PRKG1: variants seen among roughly 807,000 people sequenced by gnomAD.
PRKG1 encodes cGMP-dependent protein kinase 1.
A neutral mutation model predicts 88.1 loss-of-function variants in PRKG1; 35 were observed. The ratio of observed to expected loss-of-function variants is 0.40; its 90% CI spans 0.30 to 0.53. The LOEUF (loss-of-function observed/expected upper bound fraction) is 0.53. Ranked by LOEUF, PRKG1 falls within the 20% of genes least tolerant of loss-of-function variation. The probability of loss-of-function intolerance (pLI) is 0.59; values close to 1 mark genes in which losing one functional copy is unlikely to be tolerated. For synonymous variants in PRKG1, 303 were observed against 292.5 expected (o/e 1.04, Z -0.37); for missense variants, 540 against 839.8 (o/e 0.64, Z 4.41).
intron 9 of PRKG1, among the ~76,000 whole-genome samples, chr10:52,245,779 T>TAA (rs1369731708): frequency 1.6e-4 from 24 of 150,352 alleles, no homozygotes; most frequent in African/African-American, 5.8e-4. Flanking sequence ...ATTTATTTAT[T>TAA]TATTTATTTA....
chr10:51,412,276 A>G (rs1010070715), intron 2 of PRKG1, among the ~76,000 whole-genome samples: 6 of 151,994 alleles, frequency 3.9e-5, no homozygotes, highest in Non-Finnish European at 8.8e-5. Context: ...GGCCTCAGGA[A>G]AAAAGGAAGG....
At chr10:51,589,985 T>C (rs1056958838) in intron 3 of PRKG1, among the ~76,000 whole-genome samples, 6 of 152,110 alleles carry the variant, frequency 3.9e-5, no homozygotes, top group Admixed American at 1.3e-4. Context: ...AGAAGATCAA[T>C]AGAAGATTTA....
intron 3 of PRKG1, among the ~76,000 whole-genome samples, chr10:51,549,334 C>G (rs186345408): frequency 2.0e-5 from 3 of 151,192 alleles, no homozygotes; most frequent in African/African-American, 7.3e-5. Flanking sequence ...CCATGTTAGC[C>G]GGGATGGTCT....
intron 3 of PRKG1, among the ~76,000 whole-genome samples, chr10:51,629,501 C>T (rs996902358): frequency 2.0e-5 from 3 of 151,582 alleles, no homozygotes; most frequent in African/African-American, 7.3e-5. Context: ...TTGCTTATGT[C>T]CAGTCTACAC....
chr10:51,158,555 A>G (rs745609318), intron 2 of PRKG1, among the ~76,000 whole-genome samples: 1 of 152,026 alleles, frequency 6.6e-6, no homozygotes, highest in Non-Finnish European at 1.5e-5. Flanking sequence ...GATATTTCCT[A>G]TAAGTACTTC....
intron 7 of PRKG1, among the ~76,000 whole-genome samples, chr10:52,097,084 GA>G (rs1847189751): frequency 6.6e-6 from 1 of 152,054 alleles, no homozygotes; most frequent in South Asian, 2.1e-4. Flanking sequence ...TTAAAAATCA[GA>G]CAGATTCAAT....
intron 16 of PRKG1, among the ~76,000 whole-genome samples, chr10:52,289,911 G>A (rs755304347): frequency 2.0e-5 from 3 of 152,068 alleles, no homozygotes; most frequent in Non-Finnish European, 2.9e-5. Flanking sequence ...AAGGCACAGG[G>A]CCAGACACAT....
At chr10:52,176,352 C>G (rs986551489) in intron 9 of PRKG1, among the ~76,000 whole-genome samples, 1 of 151,634 alleles carries the variant, frequency 6.6e-6, no homozygotes, top group Non-Finnish European at 1.5e-5. Flanking sequence ...TTTGAGTTCT[C>G]TAGTCTGGTC....
chr10:52,218,967 T>C (rs1474306569), intron 9 of PRKG1, among the ~76,000 whole-genome samples: 1 of 152,118 alleles, frequency 6.6e-6, no homozygotes, highest in Admixed American at 6.6e-5. Flanking sequence ...AATTCAACAG[T>C]AGTTAGATAA....
At chr10:52,106,878 C>T (rs1391794781) in intron 7 of PRKG1, among the ~76,000 whole-genome samples, 1 of 151,916 alleles carries the variant, frequency 6.6e-6, no homozygotes, top group African/African-American at 2.4e-5. Flanking sequence ...TCATGTGATT[C>T]TAGTTTCTAT....
chr10:51,305,823 C>A (rs1841021375), intron 2 of PRKG1, among the ~76,000 whole-genome samples: 1 of 152,272 alleles, frequency 6.6e-6, no homozygotes, highest in East Asian at 1.9e-4. Flanking sequence ...ACTTGCTAAG[C>A]ACATATCTTG....
chr10:51,622,479 G>T (rs76403323), intron 3 of PRKG1, among the ~76,000 whole-genome samples: 5,974 of 152,252 alleles, frequency 0.039, 168 homozygotes, highest in Middle Eastern at 0.088. Flanking sequence ...AGCTATTTGC[G>T]CATGACCAGT....
chr10:51,702,884 G>A (rs767208675), intron 3 of PRKG1, among the ~76,000 whole-genome samples: 1 of 151,934 alleles, frequency 6.6e-6, no homozygotes, highest in African/African-American at 2.4e-5. Flanking sequence ...TTGTAGAGAC[G>A]GGGTTTCACC....
chr10:51,846,056 T>TC (rs1564672475), intron 4 of PRKG1, among the ~76,000 whole-genome samples: 1 of 152,202 alleles, frequency 6.6e-6, no homozygotes, highest in South Asian at 2.1e-4. Flanking sequence ...AAGAACCAGC[T>TC]CCCCCAAAAT....
intron 4 of PRKG1, among the ~76,000 whole-genome samples, chr10:51,815,005 C>T (rs1409359110): frequency 6.6e-6 from 1 of 152,160 alleles, no homozygotes; most frequent in African/African-American, 2.4e-5. Flanking sequence ...CAAGAAAAGA[C>T]TAAGTCCTCA....
intron 4 of PRKG1, among the ~76,000 whole-genome samples, chr10:51,839,778 T>C (rs922210940): frequency 1.3e-5 from 2 of 152,212 alleles, no homozygotes; most frequent in Admixed American, 6.5e-5. Flanking sequence ...CCATCTACTA[T>C]AACTTCTCAC....
chr10:51,109,559 C>A (rs533805434), intron 1 of PRKG1, among the ~76,000 whole-genome samples: 11 of 152,200 alleles, frequency 7.2e-5, no homozygotes, highest in African/African-American at 2.6e-4. Context: ...CCTTACCTCA[C>A]CTAATACAGA....
intron 3 of PRKG1, among the ~76,000 whole-genome samples, chr10:51,567,590 C>A (rs1837639767): frequency 6.6e-6 from 1 of 151,958 alleles, no homozygotes; most frequent in Non-Finnish European, 1.5e-5. Flanking sequence ...TTTTTAAAAA[C>A]CATACTGTTT....
At chr10:52,211,805 T>A (rs571963901) in intron 9 of PRKG1, among the ~76,000 whole-genome samples, 25 of 151,966 alleles carry the variant, frequency 1.6e-4, no homozygotes, top group African/African-American at 6.0e-4. Flanking sequence ...ACTTAAATGA[T>A]CTGCTAATAA....
Sources: allele counts gnomAD v4.1 joint callset (sites outside exome capture counted in the v4.1 genomes callset), GRCh38; gene constraint gnomAD v4.1.1; transcripts MANE v1.5; gene names NCBI Gene and HGNC (gene_info 2026-07-23, HGNC 2026-07-21).